The following AKT3 variants were observed in gnomAD, a reference collection of about 807,000 sequenced individuals.
AKT3 encodes the protein RAC-gamma serine/threonine-protein kinase.
Under a neutral mutation model 65.3 loss-of-function variants are expected in AKT3, and 15 were observed. The observed-to-expected ratio is 0.23, with a 90% CI of 0.15 to 0.35. The LOEUF (loss-of-function observed/expected upper bound fraction) is 0.35, where lower values mean the gene tolerates loss of function less well. AKT3 is among the 10% of genes least tolerant of loss of function. The pLI is 1.00. For synonymous variants in AKT3, 206 were observed against 183.8 expected, an observed-to-expected ratio of 1.12 and a Z score of -0.98; for missense variants, 243 against 576.5, an observed-to-expected ratio of 0.42 and a Z score of 5.92.
chr1:243,688,374 TTTAA>T (rs748488102), intron 3 of AKT3, among the ~76,000 whole-genome samples: 1 of 152,146 alleles, frequency 6.6e-6, no homozygotes, highest in Non-Finnish European at 1.5e-5. Flanking sequence ...TGGGCAAGTG[TTTAA>T]TTGTGGATAT....
chr1:243,781,812 T>C (rs1241427116), intron 2 of AKT3, among the ~76,000 whole-genome samples: 2 of 152,168 alleles, frequency 1.3e-5, no homozygotes, highest in East Asian at 3.9e-4. Context: ...TTCACATGGA[T>C]TGATGGATTT....
intron 2 of AKT3, among the ~76,000 whole-genome samples, chr1:243,763,526 G>A (rs1050306395): frequency 5.9e-5 from 9 of 152,020 alleles, no homozygotes; most frequent in Non-Finnish European, 1.3e-4. Flanking sequence ...TGGCTTAAAA[G>A]CATGCCAACT....
intron 3 of AKT3, among the ~76,000 whole-genome samples, chr1:243,692,617 G>A (rs1263816431): frequency 1.3e-5 from 2 of 151,856 alleles, no homozygotes; most frequent in Non-Finnish European, 2.9e-5. Context: ...GTGCGCCTAT[G>A]ATCCCAGCTA....
intron 2 of AKT3, among the ~76,000 whole-genome samples, chr1:243,815,720 C>T (rs1693472122): frequency 6.6e-6 from 1 of 151,480 alleles, no homozygotes; most frequent in African/African-American, 2.4e-5. Context: ...TAGCGATCCT[C>T]CCACCTCAGT....
chr1:243,596,161 G>A (rs1489780521), intron 8 of AKT3, among the ~76,000 whole-genome samples: 1 of 152,092 alleles, frequency 6.6e-6, no homozygotes, highest in African/African-American at 2.4e-5. Flanking sequence ...TAACAAATAG[G>A]AGAAAGATGT....
chr1:243,737,045 G>A (rs1054261179), intron 2 of AKT3, among the ~76,000 whole-genome samples: 1 of 152,046 alleles, frequency 6.6e-6, no homozygotes. Context: ...TTCCAGAAAG[G>A]TGCAAGAGTC....
chr1:243,662,648 T>G (rs1268323455), intron 4 of AKT3, among the ~76,000 whole-genome samples: 1 of 151,862 alleles, frequency 6.6e-6, no homozygotes, highest in African/African-American at 2.4e-5. Context: ...ATGGCACATG[T>G]ATACATATGT....
chr1:243,635,079 A>G (rs921750124), intron 6 of AKT3, among the ~76,000 whole-genome samples: 1 of 152,016 alleles, frequency 6.6e-6, no homozygotes, highest in Non-Finnish European at 1.5e-5. Context: ...GATTACAAAT[A>G]AAGTCTCAAT....
intron 12 of AKT3, among the ~76,000 whole-genome samples, chr1:243,540,201 A>G (rs1405013984): frequency 6.6e-6 from 1 of 152,176 alleles, no homozygotes; most frequent in Admixed American, 6.5e-5. Context: ...ATATCCTTAG[A>G]AATACAATGT....
intron 12 of AKT3, among the ~76,000 whole-genome samples, chr1:243,530,875 C>T (rs926639550): frequency 1.3e-5 from 2 of 149,900 alleles, no homozygotes; most frequent in African/African-American, 5.1e-5. Flanking sequence ...GCTTGGTGTT[C>T]TATTTCTTTT....
chr1:243,533,318 T>TA (rs1398008032), intron 12 of AKT3, among the ~76,000 whole-genome samples: 1 of 152,236 alleles, frequency 6.6e-6, no homozygotes, highest in Non-Finnish European at 1.5e-5. Flanking sequence ...TAATTATAGT[T>TA]GAAGGTTTCA....
chr1:243,824,207 T>A (rs926670533), intron 2 of AKT3, among the ~76,000 whole-genome samples: 1 of 152,200 alleles, frequency 6.6e-6, no homozygotes, highest in Non-Finnish European at 1.5e-5. Context: ...GCTAGCCATA[T>A]GCAGAAAATT....
intron 2 of AKT3, among the ~76,000 whole-genome samples, chr1:243,811,145 T>G (rs1248371929): frequency 6.6e-6 from 1 of 152,160 alleles, no homozygotes. Context: ...ACCACTCCTA[T>G]TCAACATAGT....
chr1:243,843,044 GA>G, intron 2 of AKT3, 80 bp downstream of exon 2: 1 of 1,434,994 alleles, frequency 7.0e-7, no homozygotes, highest in Non-Finnish European at 9.7e-7. Flanking sequence ...AACAGTATCA[GA>G]AAAAAGATCA....
intron 8 of AKT3, among the ~76,000 whole-genome samples, chr1:243,608,539 A>G (rs995302691): frequency 6.6e-6 from 1 of 152,060 alleles, no homozygotes; most frequent in Admixed American, 6.5e-5. Flanking sequence ...AACTTACCAG[A>G]GCTTGCTTAC....
intron 2 of AKT3, among the ~76,000 whole-genome samples, chr1:243,738,148 G>A (rs1028956339): frequency 1.3e-5 from 2 of 152,138 alleles, no homozygotes; most frequent in African/African-American, 4.8e-5. Flanking sequence ...TCTCCATTAT[G>A]CAACAGTTCT....
intron 13 of AKT3, among the ~76,000 whole-genome samples, chr1:243,494,354 C>G (rs1211291856): frequency 6.6e-6 from 1 of 152,156 alleles, no homozygotes; most frequent in African/African-American, 2.4e-5. Flanking sequence ...AAACTGTGTA[C>G]AAGACACTGT....
chr1:243,596,628 A>G (rs150347579), intron 8 of AKT3, among the ~76,000 whole-genome samples: 1 of 152,224 alleles, frequency 6.6e-6, no homozygotes, highest in Non-Finnish European at 1.5e-5. Context: ...TTCTCATTAC[A>G]TTAATGCTGA....
intron 4 of AKT3, among the ~76,000 whole-genome samples, chr1:243,651,700 T>C (rs1245402518): frequency 1.3e-5 from 2 of 152,208 alleles, no homozygotes; most frequent in Non-Finnish European, 2.9e-5. Context: ...TTACGTTTAT[T>C]GATTTGTGTA....
Sources: gnomAD v4.1 joint callset for allele counts (sites outside exome capture counted in the v4.1 genomes callset) on GRCh38, gnomAD v4.1.1 for gene constraint, MANE v1.5 for transcripts, NCBI Gene and HGNC (gene_info 2026-07-23, HGNC 2026-07-21) for gene names.